CALN1: variants seen among roughly 807,000 people sequenced by gnomAD.
CALN1 encodes calneuron 1, also known as calcium-binding protein 8.
A neutral mutation model predicts 30.6 loss-of-function variants in CALN1; 17 were observed. That is an observed-to-expected ratio of 0.56 (90% CI 0.38 to 0.83). The LOEUF (loss-of-function observed/expected upper bound fraction) is 0.83. CALN1 is among the 40% of genes least tolerant of loss of function. The probability of loss-of-function intolerance (pLI) is 0.00; values close to 1 mark genes in which losing one functional copy is unlikely to be tolerated. For missense variants in CALN1, 291 were observed against 354.9 expected (o/e 0.82, Z 1.45); for synonymous variants, 156 against 131.4 (o/e 1.19, Z -1.28).
chr7:72,408,288 A>G (rs987427177), intron 1 of CALN1, among the ~76,000 whole-genome samples: 1 of 148,912 alleles, frequency 6.7e-6, no homozygotes, highest in Admixed American at 6.8e-5. Flanking sequence ...AAAAAAAAAA[A>G]AAATTAGTAG....
At chr7:72,224,684 G>C (rs777179816) in intron 3 of CALN1, among the ~76,000 whole-genome samples, 12 of 152,036 alleles carry the variant, frequency 7.9e-5, no homozygotes, top group Non-Finnish European at 1.0e-4. Context: ...GGGAGGCTGA[G>C]ACACGAGAAT....
chr7:72,083,117 C>A (rs1805258055), intron 4 of CALN1, among the ~76,000 whole-genome samples: 1 of 152,076 alleles, frequency 6.6e-6, no homozygotes, highest in South Asian at 2.1e-4. Flanking sequence ...GGGAGAATCG[C>A]TTGAGCCTGG....
intron 3 of CALN1, 39 bp from the exon 4 acceptor site, chr7:72,106,333 G>A (rs1807108469): frequency 6.2e-7 from 1 of 1,611,748 alleles, no homozygotes; most frequent in Non-Finnish European, 8.5e-7. Context: ...TGGTCACATG[G>A]CTGGCTTTAT....
chr7:72,377,099 G>C (rs570459778), intron 2 of CALN1, among the ~76,000 whole-genome samples: 6 of 152,244 alleles, frequency 3.9e-5, no homozygotes, highest in African/African-American at 9.6e-5. Context: ...TAGCCTTGTA[G>C]TAAGTTTTGA....
intron 3 of CALN1, among the ~76,000 whole-genome samples, chr7:72,202,346 TAATA>T (rs1791496811): frequency 6.6e-6 from 1 of 152,072 alleles, no homozygotes; most frequent in Non-Finnish European, 1.5e-5. Context: ...AATATAAATA[TAATA>T]AATTTTTCAG....
rs1301577754 is a variant in CALN1, at chr7:72,335,019, C to T, written c.120-56209G>A. On this transcript the variant is annotated intron_variant, in intron 2 of 6. Coordinates refer to ENST00000395275, the MANE Select transcript of CALN1 (RefSeq NM_031468.4). ...TGCCGGGGGAACTAGCAAAGTTATG[C>T]AGTTCCTGGAGCCCTGGAATGAATC... is the stretch of plus-strand genomic sequence containing the variant. Among the ~76,000 whole-genome samples, 6 of 152,178 alleles carry T rather than the reference C, an allele frequency of 3.9e-5. 1 individual carries two copies. The highest frequency in any genetic ancestry group is 1.5e-5 in the Non-Finnish European group (1 of 68,046).
At chr7:72,143,263 T>C (rs959675874) in intron 3 of CALN1, among the ~76,000 whole-genome samples, 1 of 152,046 alleles carries the variant, frequency 6.6e-6, no homozygotes, top group Non-Finnish European at 1.5e-5. Context: ...GAATAACCAA[T>C]GCAGAGAAGT....
chr7:72,288,171 G>A (rs920519576), intron 2 of CALN1, among the ~76,000 whole-genome samples: 2 of 152,106 alleles, frequency 1.3e-5, no homozygotes, highest in Non-Finnish European at 2.9e-5. Flanking sequence ...ACCGGGGCTG[G>A]AGGATCCATT....
chr7:72,234,936 T>C (rs1794376832), intron 3 of CALN1, among the ~76,000 whole-genome samples: 1 of 152,172 alleles, frequency 6.6e-6, no homozygotes, highest in Admixed American at 6.5e-5. Context: ...TCCCAACATA[T>C]TGATTAAAAC....
At chr7:71,809,090 T>G (rs1787786156) in intron 6 of CALN1, among the ~76,000 whole-genome samples, 1 of 152,158 alleles carries the variant, frequency 6.6e-6, no homozygotes, top group Non-Finnish European at 1.5e-5. Flanking sequence ...TTGATGCGCA[T>G]GGCAGTTTTG....
intron 5 of CALN1, among the ~76,000 whole-genome samples, chr7:71,912,616 A>G (rs1794482244): frequency 6.6e-6 from 1 of 152,204 alleles, no homozygotes; most frequent in African/African-American, 2.4e-5. Context: ...GGACTCACCC[A>G]GTAGATATAA....
At chr7:71,864,251 T>C (rs188272260) in intron 5 of CALN1, among the ~76,000 whole-genome samples, 50 of 152,356 alleles carry the variant, frequency 3.3e-4, no homozygotes, top group Non-Finnish European at 5.7e-4. Context: ...ACTCCCATGA[T>C]TAGCTTAAAA....
intron 2 of CALN1, among the ~76,000 whole-genome samples, chr7:72,312,180 T>A (rs1800096795): frequency 6.6e-6 from 1 of 151,958 alleles, no homozygotes; most frequent in Non-Finnish European, 1.5e-5. Context: ...GAGGCCAGAG[T>A]ATCACTTGAT....
chr7:72,234,912 C>T (rs927310424), intron 3 of CALN1, among the ~76,000 whole-genome samples: 8 of 152,124 alleles, frequency 5.3e-5, no homozygotes, highest in Non-Finnish European at 7.4e-5. Context: ...CTTCTAGTTG[C>T]TATTGCTATA....
chr7:72,011,836 A>G (rs2129529268), intron 5 of CALN1, among the ~76,000 whole-genome samples: 1 of 152,094 alleles, frequency 6.6e-6, no homozygotes, highest in Middle Eastern at 3.4e-3. Flanking sequence ...TTGTAGAGAC[A>G]AAAAAATGTT....
upstream of CALN1, among the ~76,000 whole-genome samples, chr7:72,448,632 G>C (rs992985233): frequency 6.0e-5 from 9 of 151,062 alleles, no homozygotes; most frequent in Admixed American, 4.0e-4. Context: ...TTTTGACGGA[G>C]TCTCACTCTG....
chr7:71,892,470 T>C (rs2116889781), intron 5 of CALN1, among the ~76,000 whole-genome samples: 1 of 152,306 alleles, frequency 6.6e-6, no homozygotes, highest in East Asian at 1.9e-4. Flanking sequence ...AAAGCCCGTC[T>C]CTACTAAAAA....
chr7:71,869,858 C>T (rs1395664180), intron 5 of CALN1, among the ~76,000 whole-genome samples: 3 of 152,188 alleles, frequency 2.0e-5, no homozygotes, highest in Middle Eastern at 3.4e-3. Flanking sequence ...GCCGCAGGAT[C>T]GTGTTTTGGG....
chr7:72,097,305 T>TA (rs952280891), intron 4 of CALN1, among the ~76,000 whole-genome samples: 3 of 151,794 alleles, frequency 2.0e-5, no homozygotes, highest in African/African-American at 7.3e-5. Flanking sequence ...ACTTAAAGTG[T>TA]AAAAAAAAGA....
Sources: allele counts gnomAD v4.1 joint callset (sites outside exome capture counted in the v4.1 genomes callset), GRCh38; gene constraint gnomAD v4.1.1; transcripts MANE v1.5; gene names NCBI Gene and HGNC (gene_info 2026-07-23, HGNC 2026-07-21).